Variants in RTCB observed in about 807,000 individuals in gnomAD.
RTCB encodes RNA 2',3'-cyclic phosphate and 5'-OH ligase, also known as RNA-splicing ligase RTCB.
RTCB carries 32 observed loss-of-function variants against 58.2 expected under a neutral mutation model. The ratio of observed to expected loss-of-function variants is 0.55; its 90% CI spans 0.41 to 0.74. The LOEUF (loss-of-function observed/expected upper bound fraction) is 0.74. Among genes scored for constraint, RTCB ranks in the 30% least tolerant of loss-of-function variants. RTCB has a pLI of 0.00. For missense variants in RTCB, 523 were observed against 639.0 expected (o/e 0.82, Z 1.96); for synonymous variants, 247 against 218.6 (o/e 1.13, Z -1.15).
At chr22:32,390,694 C>T (rs956757047) in intron 11 of RTCB, among the ~76,000 whole-genome samples, 8 of 152,266 alleles carry the variant, frequency 5.3e-5, no homozygotes, top group South Asian at 4.1e-4. Flanking sequence ...GTGATCCACC[C>T]GCCTCAGCCT....
intron 8 of RTCB, among the ~76,000 whole-genome samples, chr22:32,395,868 T>A (rs761902817): frequency 7.2e-5 from 11 of 152,036 alleles, no homozygotes; most frequent in Non-Finnish European, 1.2e-4. Context: ...CTAAGCTAAT[T>A]TTTTGTATTT....
At chr22:32,398,128 T>C in intron 6 of RTCB, 28 bp from the exon 7 acceptor site, 2 of 1,590,826 alleles carry the variant, frequency 1.3e-6, no homozygotes, top group Non-Finnish European at 1.7e-6. Flanking sequence ...TCTGGTAAGA[T>C]AGTTTTTATT....
At chr22:32,407,899 A>G (rs1933454645) in intron 3 of RTCB, 1 of 389,174 alleles carries the variant, frequency 2.6e-6, no homozygotes, top group Non-Finnish European at 4.7e-6. Flanking sequence ...TAGCTGGGAC[A>G]ACAAGCATGT....
Position 32,408,194 on chromosome 22 carries a change from G to A in RTCB, c.221C>T (p.Ala74Val). 6.2e-7 allele frequency: 1 copy of A among 1,614,086 alleles called. No homozygotes were observed. Among genetic ancestry groups the A allele is most frequent in the Non-Finnish European group, 8.5e-7 (1 of 1,179,962 alleles). The change falls in exon 3 of 12, where the codon GCC becomes GTC. Residue 74 changes from alanine to valine, a missense_variant. By Grantham distance (64) the Ala-to-Val change is moderately conservative. Coordinates refer to ENST00000216038, the MANE Select transcript of RTCB (RefSeq NM_014306.5). ...PAMKQIGNVA[A>V]LPGIVHRSIG... Reference sequence around the variant, plus strand: ...ACTCACATGAACAATTCCAGGCAGGGCTGCCACATTGCCAATCTGTTTCAT... The same window carrying A: ...ACTCACATGAACAATTCCAGGCAGGACTGCCACATTGCCAATCTGTTTCAT...
chr22:32,394,836 G>A (rs895360704), intron 9 of RTCB, among the ~76,000 whole-genome samples, 190 bp downstream of exon 9: 2 of 152,094 alleles, frequency 1.3e-5, no homozygotes, highest in South Asian at 2.1e-4. Flanking sequence ...TATAGCACAC[G>A]GCACCACCGC....
chr22:32,403,510 TCA>T (rs1184297088), intron 4 of RTCB, among the ~76,000 whole-genome samples: 1 of 152,272 alleles, frequency 6.6e-6, no homozygotes, highest in African/African-American at 2.4e-5. Flanking sequence ...ATTTATGATC[TCA>T]CAGTTACTTC....
chr22:32,397,522 A>C (rs1933265687), intron 7 of RTCB, among the ~76,000 whole-genome samples: 3 of 152,216 alleles, frequency 2.0e-5, no homozygotes, highest in Admixed American at 2.0e-4. Context: ...TGCCTCTTTC[A>C]TCAGCAAATC....
At chr22:32,394,981 A>C in intron 9 of RTCB, 45 bp downstream of exon 9, 1 of 1,509,582 alleles carries the variant, frequency 6.6e-7, no homozygotes, top group South Asian at 1.2e-5. Context: ...CAACAATCTA[A>C]ATCGTGCCCC....
intron 1 of RTCB, 69 bp downstream of exon 1, chr22:32,411,995 G>A (rs1028059264): frequency 9.9e-6 from 12 of 1,216,900 alleles, no homozygotes; most frequent in African/African-American, 1.5e-5. Context: ...AGGTCCAGAG[G>A]GCGCAGTGGA....
intron 9 of RTCB, among the ~76,000 whole-genome samples, chr22:32,394,226 C>T (rs1273761169): frequency 6.6e-6 from 1 of 151,914 alleles, no homozygotes; most frequent in Non-Finnish European, 1.5e-5. Context: ...ATTCTCTTGC[C>T]TCAGCCTCCC....
intron 5 of RTCB, 95 bp from the exon 6 acceptor site, chr22:32,399,854 A>C (rs1933306572): frequency 1.7e-6 from 2 of 1,164,344 alleles, no homozygotes; most frequent in Non-Finnish European, 2.4e-6. Flanking sequence ...AAAACTCGAC[A>C]TTTACTATCT....
intron 1 of RTCB, among the ~76,000 whole-genome samples, chr22:32,411,206 A>G (rs886794288): frequency 6.6e-6 from 1 of 152,226 alleles, no homozygotes; most frequent in African/African-American, 2.4e-5. Flanking sequence ...GTTTACCAAG[A>G]CGTGAGACGA....
chr22:32,410,717 C>A (rs1333902540), intron 1 of RTCB, among the ~76,000 whole-genome samples: 1 of 119,966 alleles, frequency 8.3e-6, no homozygotes, highest in Non-Finnish European at 1.7e-5. Context: ...TTTTCTTTTT[C>A]TTTTCTTTTT....
intron 4 of RTCB, among the ~76,000 whole-genome samples, chr22:32,404,585 TTG>T (rs1330078369): frequency 6.6e-6 from 1 of 152,178 alleles, no homozygotes; most frequent in African/African-American, 2.4e-5. Flanking sequence ...CTAAAACTTT[TTG>T]TAGAGATGGG....
At chr22:32,396,597 C>T (rs1311033354) in intron 7 of RTCB, among the ~76,000 whole-genome samples, 1 of 152,182 alleles carries the variant, frequency 6.6e-6, no homozygotes, top group Non-Finnish European at 1.5e-5. Flanking sequence ...ATTTTGTTGC[C>T]TTCATGATTA....
intron 11 of RTCB, among the ~76,000 whole-genome samples, chr22:32,391,380 T>C (rs980950126): frequency 2.0e-5 from 3 of 151,710 alleles, no homozygotes; most frequent in African/African-American, 7.3e-5. Flanking sequence ...AGGAAAAAAC[T>C]ATGACAATAA....
intron 1 of RTCB, among the ~76,000 whole-genome samples, chr22:32,409,705 A>G (rs939588980): frequency 3.3e-5 from 5 of 152,198 alleles, no homozygotes; most frequent in African/African-American, 1.2e-4. Flanking sequence ...TTCACCAAAC[A>G]TTAACTGAGG....
chr22:32,399,459 A>T, intron 6 of RTCB, 144 bp downstream of exon 6: 1 of 790,134 alleles, frequency 1.3e-6, no homozygotes, highest in Non-Finnish European at 2.0e-6. Context: ...AATAAAAATG[A>T]AGCATAAACA....
chr22:32,387,869 G>A lies in RTCB; in HGVS notation c.*123C>T, dbSNP rs1050695826. On this transcript the variant is annotated 3_prime_UTR_variant, in exon 12 of 12. Coordinates refer to ENST00000216038, the MANE Select transcript of RTCB (RefSeq NM_014306.5). ...GCCTCCCCATCAGCCATTTTGGCGT[G>A]AGCAGTTACAGCTGCACACTTTGCA... 4.8e-6 allele frequency: 3 copies of A among 619,658 alleles called. No homozygotes were observed. The highest frequency in any genetic ancestry group is 1.8e-5 in the African/African-American group (1 of 55,252). The allele number at this position is 619,658 out of a possible 1,614,324, so 38.4% of individuals were successfully genotyped here.
Sources: allele counts gnomAD v4.1 joint callset (sites outside exome capture counted in the v4.1 genomes callset), GRCh38; gene constraint gnomAD v4.1.1; transcripts MANE v1.5; gene names NCBI Gene and HGNC (gene_info 2026-07-23, HGNC 2026-07-21).